TMEM132B: variants seen among roughly 807,000 people sequenced by gnomAD.
TMEM132B encodes the protein transmembrane protein 132B.
A neutral mutation model predicts 90.8 loss-of-function variants in TMEM132B; 18 were observed. The observed-to-expected ratio is 0.20, with a 90% CI of 0.14 to 0.29. The LOEUF (loss-of-function observed/expected upper bound fraction) is 0.29, where lower values mean the gene tolerates loss of function less well. TMEM132B is among the 10% of genes least tolerant of loss of function. The probability of loss-of-function intolerance (pLI) is 1.00; values close to 1 mark genes in which losing one functional copy is unlikely to be tolerated. For missense variants in TMEM132B, 1,096 were observed against 1,326.8 expected (o/e 0.83, Z 2.70); for synonymous variants, 504 against 523.3 (o/e 0.96, Z 0.50).
intron 3 of TMEM132B, among the ~76,000 whole-genome samples, chr12:125,517,471 C>T (rs1240715672): frequency 4.0e-5 from 6 of 151,516 alleles, no homozygotes; most frequent in Middle Eastern, 3.4e-3. Flanking sequence ...GGATTACAGG[C>T]GTGAGCCACC....
At chr12:125,388,801 C>T (rs897593199) in intron 2 of TMEM132B, among the ~76,000 whole-genome samples, 1 of 152,188 alleles carries the variant, frequency 6.6e-6, no homozygotes, top group Non-Finnish European at 1.5e-5. Context: ...AGCTATTGCA[C>T]ACATGTGGAT....
intron 3 of TMEM132B, among the ~76,000 whole-genome samples, chr12:125,443,185 T>C (rs1326152107): frequency 6.6e-6 from 1 of 152,206 alleles, no homozygotes; most frequent in Non-Finnish European, 1.5e-5. Context: ...TTGTAGAAAG[T>C]GGCCTTCTGT....
intron 5 of TMEM132B, among the ~76,000 whole-genome samples, chr12:125,606,518 C>T (rs990495261): frequency 9.2e-5 from 14 of 152,136 alleles, no homozygotes; most frequent in Non-Finnish European, 1.6e-4. Flanking sequence ...TGCATGTGTG[C>T]CAGCACATGT....
In TMEM132B at chr12:125,408,637, G is replaced by T. The variant is rs1879585055; in HGVS notation, c.960-6894G>T. 6.6e-6 allele frequency among the ~76,000 whole-genome samples: 1 copy of T among 152,160 alleles called. No homozygotes were observed. The highest frequency in any genetic ancestry group is 6.5e-5 in the Admixed American group (1 of 15,274). ...ACAGATTAAGGCAATGAGCATTTTGGGTTGTTTCCATTTTGGGCTGATGGC... is the reference window on the plus strand; with the variant it reads ...ACAGATTAAGGCAATGAGCATTTTGTGTTGTTTCCATTTTGGGCTGATGGC... On this transcript the variant is annotated intron_variant, in intron 2 of 8. Coordinates refer to ENST00000682704, the MANE Select transcript of TMEM132B (RefSeq NM_001366854.1). The surrounding 1 kb of genome is among the most constrained non-coding windows in gnomAD (Gnocchi z 5.9).
At chr12:125,623,464 C>T (rs1478794045) in intron 5 of TMEM132B, among the ~76,000 whole-genome samples, 2 of 151,978 alleles carry the variant, frequency 1.3e-5, no homozygotes, top group Non-Finnish European at 2.9e-5. Context: ...GGGAGTCCTA[C>T]CAAGCAGATT....
intron 4 of TMEM132B, among the ~76,000 whole-genome samples, chr12:125,523,183 T>C (rs569030261): frequency 6.6e-6 from 1 of 152,332 alleles, no homozygotes; most frequent in South Asian, 2.1e-4. Flanking sequence ...TACCATAAAC[T>C]CAATGACTTT....
intron 2 of TMEM132B, among the ~76,000 whole-genome samples, chr12:125,358,566 T>C (rs74452639): frequency 0.011 from 1,742 of 152,282 alleles, 36 homozygotes; most frequent in African/African-American, 0.039. Context: ...TAAAGACTGC[T>C]GGCCAGTTAT....
At chr12:125,348,144 T>G (rs1474075222) in intron 1 of TMEM132B, among the ~76,000 whole-genome samples, 2 of 152,244 alleles carry the variant, frequency 1.3e-5, no homozygotes, top group Non-Finnish European at 2.9e-5. Flanking sequence ...AATGTCATAT[T>G]GTGGCCATCT....
intron 1 of TMEM132B, among the ~76,000 whole-genome samples, chr12:125,219,959 G>T (rs1364453903): frequency 6.6e-6 from 1 of 152,208 alleles, no homozygotes; most frequent in African/African-American, 2.4e-5. Context: ...GAAGCCTGCT[G>T]TGTGTCAGTA....
chr12:125,423,939 G>T lies in TMEM132B; in HGVS notation c.1106+8262G>T, dbSNP rs575101861. 2.0e-5 allele frequency among the ~76,000 whole-genome samples: 3 copies of T among 152,176 alleles called. No individual in the cohort carries two copies. The East Asian group carries it at 5.8e-4, about 29-fold the overall frequency. ...TATTATCAAGCCCTTTACAAAAATT[G>T]GTCAAAGTGGTTAACCCTCTTCCCA... is the stretch of plus-strand genomic sequence containing the variant. On this transcript the variant is annotated intron_variant, in intron 3 of 8. Transcript: ENST00000682704.
Position 125,492,061 on chromosome 12 carries a change from A to G in TMEM132B, c.1107-27378A>G, listed in dbSNP as rs555704041. ...GTATTACTGGAAAAGGGGAAAATTT[A>G]ATCAAGGAGGATCAATACTGCTTAT... is the stretch of plus-strand genomic sequence containing the variant. On this transcript the variant is annotated intron_variant, in intron 3 of 8. Coordinates refer to ENST00000682704, the MANE Select transcript of TMEM132B (RefSeq NM_001366854.1). The surrounding 1 kb of genome is among the most constrained non-coding windows in gnomAD (Gnocchi z 5.8). Among the ~76,000 whole-genome samples the G allele has an allele frequency of 6.6e-6, 1 of 152,330 alleles. No individual in the cohort carries two copies. The highest frequency in any genetic ancestry group is 2.4e-5 in the African/African-American group (1 of 41,584).
intron 1 of TMEM132B, among the ~76,000 whole-genome samples, chr12:125,199,923 AC>A (rs1341972604): frequency 2.0e-5 from 3 of 152,206 alleles, no homozygotes; most frequent in African/African-American, 7.2e-5. Flanking sequence ...TCACATGGCT[AC>A]ATCTTGCTGC....
In TMEM132B at chr12:125,346,997, CTGTTATAAATCATGCT is replaced by C. The variant is rs527743109; in HGVS notation, c.68-2452_68-2437del. ...TTTTTGGGCTGCTTCCAGTGTGTTGCTGTTATAAATCATGCTTGCGATAAACATACTTGCACATTAA... is the reference window on the plus strand; with the variant it reads ...TTTTTGGGCTGCTTCCAGTGTGTTGCTGCGATAAACATACTTGCACATTAA... On this transcript the variant is annotated intron_variant, in intron 1 of 8. Coordinates refer to ENST00000682704, the MANE Select transcript of TMEM132B (RefSeq NM_001366854.1). 5.0e-3 allele frequency among the ~76,000 whole-genome samples: 768 copies of C among 152,294 alleles called. 12 individuals carry two copies. The highest frequency in any genetic ancestry group is 0.024 in the Admixed American group (360 of 15,302).
intron 5 of TMEM132B, among the ~76,000 whole-genome samples, chr12:125,638,187 C>A (rs1443733569): frequency 3.3e-5 from 5 of 152,148 alleles, no homozygotes; most frequent in African/African-American, 9.7e-5. Flanking sequence ...CTGCCTTTCA[C>A]CAGCTGTGAT....
intron 2 of TMEM132B, among the ~76,000 whole-genome samples, chr12:125,409,173 A>G (rs1879609010): frequency 6.6e-6 from 1 of 152,154 alleles, no homozygotes; most frequent in South Asian, 2.1e-4. Flanking sequence ...TTGCAGCTTG[A>G]AAGTCCACTC....
chr12:125,364,367 C>A (rs1479552827), intron 2 of TMEM132B, among the ~76,000 whole-genome samples: 1 of 151,976 alleles, frequency 6.6e-6, no homozygotes, highest in Non-Finnish European at 1.5e-5. Context: ...ATCCATATAC[C>A]CACCACTTAG....
At chr12:125,628,619 G>C (rs1005752521) in intron 5 of TMEM132B, among the ~76,000 whole-genome samples, 2 of 152,080 alleles carry the variant, frequency 1.3e-5, no homozygotes, top group Admixed American at 6.6e-5. Flanking sequence ...TTTGTAGATT[G>C]TTTCCTTTGA....
chr12:125,323,295 G>A lies in TMEM132B; in HGVS notation c.68-26157G>A, dbSNP rs191982006. Among the ~76,000 whole-genome samples the A allele has an allele frequency of 1.8e-3, 277 of 152,218 alleles. 1 individual carries two copies. Among genetic ancestry groups the A allele is most frequent in the African/African-American group, 6.5e-3 (268 of 41,534 alleles). On this transcript the variant is annotated intron_variant, in intron 1 of 8. Coordinates refer to ENST00000682704, the MANE Select transcript of TMEM132B (RefSeq NM_001366854.1). ...TACTGAAAATACAAATATTAGCCGG[G>A]CGTGGTGGCAGGCGCCTGCAGTCTC...
chr12:125,416,040 G>C (rs550813260), intron 3 of TMEM132B, among the ~76,000 whole-genome samples: 2 of 152,312 alleles, frequency 1.3e-5, no homozygotes, highest in African/African-American at 4.8e-5. Context: ...CTTAAATATA[G>C]TTATTTTGCT....
Sources: gnomAD v4.1 joint callset for allele counts (sites outside exome capture counted in the v4.1 genomes callset) on GRCh38, gnomAD v4.1.1 for gene constraint, Gnocchi (gnomAD v3.1) non-coding constraint, MANE v1.5 for transcripts, NCBI Gene and HGNC (gene_info 2026-07-23, HGNC 2026-07-21) for gene names.